Variants in CAMTA1 observed in about 807,000 individuals in gnomAD.
CAMTA1 encodes the protein calmodulin binding transcription activator 1.
Under a neutral mutation model 170.9 loss-of-function variants are expected in CAMTA1, and 27 were observed. That is an observed-to-expected ratio of 0.16 (90% CI 0.12 to 0.22). CAMTA1 has a LOEUF of 0.22. Ranked by LOEUF, CAMTA1 falls within the 10% of genes least tolerant of loss-of-function variation. The pLI is 1.00. For synonymous variants in CAMTA1, 833 were observed against 891.5 expected (o/e 0.93, Z 1.17); for missense variants, 1,619 against 2,217.2 (o/e 0.73, Z 5.42).
chr1:7,645,093 A>G (rs57740343), intron 7 of CAMTA1, among the ~76,000 whole-genome samples: 2,928 of 152,288 alleles, frequency 0.019, 77 homozygotes, highest in African/African-American at 0.067. Context: ...GTAAACCCCC[A>G]TAGTGTGAGT....
At chr1:7,235,071 G>A (rs1489265552) in intron 4 of CAMTA1, among the ~76,000 whole-genome samples, 3 of 152,058 alleles carry the variant, frequency 2.0e-5, no homozygotes, top group Non-Finnish European at 4.4e-5. Flanking sequence ...ACAGTCGTGA[G>A]CCACCATGCC....
chr1:7,007,746 C>A lies in CAMTA1; in HGVS notation c.235-83558C>A, dbSNP rs1054997946. The stretch of plus-strand genomic sequence containing the variant: ...TTCTGCCTCTTCCAGTGCTTTCCGA[C>A]CCTGTGCTTTTCTACCGACTTCTGG... On this transcript the variant is annotated intron_variant, in intron 3 of 22. Coordinates refer to ENST00000303635, the MANE Select transcript of CAMTA1 (RefSeq NM_015215.4). The surrounding 1 kb of genome is among the most constrained non-coding windows in gnomAD (Gnocchi z 4.5). Among the ~76,000 whole-genome samples the A allele has an allele frequency of 6.6e-6, 1 of 152,196 alleles. No individual in the cohort carries two copies. The highest frequency in any genetic ancestry group is 1.9e-4 in the East Asian group (1 of 5,200).
chr1:7,594,236 A>T (rs956026340), intron 6 of CAMTA1, among the ~76,000 whole-genome samples: 1 of 150,440 alleles, frequency 6.6e-6, no homozygotes, highest in African/African-American at 2.5e-5. Flanking sequence ...GAAGGAAGGA[A>T]GGAAGAAAGA....
rs550117469 is a variant in CAMTA1, at chr1:7,435,477, C to A, written c.439-32353C>A. On this transcript the variant is annotated intron_variant, in intron 5 of 22. Coordinates refer to ENST00000303635, the MANE Select transcript of CAMTA1 (RefSeq NM_015215.4). This position sits in a 1 kb window ranked among gnomAD's most constrained non-coding sequence, Gnocchi z 4.4. Reference sequence around the variant, plus strand: ...ATTCCTGTTTTGAAACAGAACCTTCCGGTTTGTTGAGGGTTGGGTCATCAT... The same window carrying A: ...ATTCCTGTTTTGAAACAGAACCTTCAGGTTTGTTGAGGGTTGGGTCATCAT... 6.6e-6 allele frequency among the ~76,000 whole-genome samples: 1 copy of A among 152,158 alleles called. No homozygotes were observed. The highest frequency in any genetic ancestry group is 1.9e-4 in the East Asian group (1 of 5,192).
chr1:6,823,920 G>C (rs1476937635), intron 2 of CAMTA1, among the ~76,000 whole-genome samples: 1 of 152,106 alleles, frequency 6.6e-6, no homozygotes, highest in African/African-American at 2.4e-5. Flanking sequence ...AGGGATTTGT[G>C]TCTGGAGAAG....
chr1:7,469,087 A>G (rs2149549655), intron 6 of CAMTA1, among the ~76,000 whole-genome samples: 1 of 152,280 alleles, frequency 6.6e-6, no homozygotes, highest in Middle Eastern at 3.4e-3. Context: ...TCCCAGAAAT[A>G]GCCGTCTGTT....
At chr1:6,902,549 G>A (rs182556932) in intron 3 of CAMTA1, among the ~76,000 whole-genome samples, 2 of 152,186 alleles carry the variant, frequency 1.3e-5, no homozygotes, top group Non-Finnish European at 2.9e-5. Flanking sequence ...GCTGTGGGTG[G>A]GTCGGTTACA....
At position 7,609,743 on chromosome 1, in the gene CAMTA1, C is replaced by T. The variant is rs990880363; in HGVS notation, c.511-30657C>T. 6.6e-6 allele frequency among the ~76,000 whole-genome samples: 1 copy of T among 152,226 alleles called. No homozygotes were observed. Among genetic ancestry groups the T allele is most frequent in the Non-Finnish European group, 1.5e-5 (1 of 68,034 alleles). ...TGACCTTGAGCAGGTCACTTTGCTT[C>T]TCTGAGCCTCTCTTTCCTGTCTGCA... On this transcript the variant is annotated intron_variant, in intron 6 of 22. Transcript: ENST00000303635. This position sits in a 1 kb window ranked among gnomAD's most constrained non-coding sequence, Gnocchi z 4.4.
intron 11 of CAMTA1, among the ~76,000 whole-genome samples, chr1:7,697,538 T>C (rs537118027): frequency 6.5e-4 from 99 of 152,346 alleles, no homozygotes; most frequent in African/African-American, 2.3e-3. Context: ...GAGATGTCTC[T>C]GCATTTCGCC....
rs2094500035 is a variant in CAMTA1 at position 7,532,166 on chromosome 1, G to A, written c.510+64265G>A. 6.6e-6 allele frequency among the ~76,000 whole-genome samples: 1 copy of A among 152,054 alleles called. No homozygotes were observed. The highest frequency in any genetic ancestry group is 6.5e-5 in the Admixed American group (1 of 15,270). The stretch of plus-strand genomic sequence containing the variant: ...CCCGAGCCCTAAGCTGCAGCCCTTG[G>A]GACGTCTCCATTGAGCCAGTCCTTC... On this transcript the variant is annotated intron_variant, in intron 6 of 22. Coordinates refer to ENST00000303635, the MANE Select transcript of CAMTA1 (RefSeq NM_015215.4). This position sits in a 1 kb window ranked among gnomAD's most constrained non-coding sequence, Gnocchi z 4.2.
At chr1:7,608,781 T>C (rs1019038753) in intron 6 of CAMTA1, among the ~76,000 whole-genome samples, 4 of 151,986 alleles carry the variant, frequency 2.6e-5, no homozygotes, top group Non-Finnish European at 5.9e-5. Context: ...GTCATCTGCT[T>C]GAAAGTGGCT....
chr1:7,644,307 G>GA (rs890304844), intron 7 of CAMTA1, among the ~76,000 whole-genome samples: 77 of 151,878 alleles, frequency 5.1e-4, no homozygotes, highest in African/African-American at 1.6e-3. Flanking sequence ...TCCTTCAGAT[G>GA]AAAAAAAACA....
intron 4 of CAMTA1, among the ~76,000 whole-genome samples, chr1:7,151,717 A>T (rs908965347): frequency 6.6e-6 from 1 of 152,170 alleles, no homozygotes; most frequent in Non-Finnish European, 1.5e-5. Flanking sequence ...AGGACGGAGG[A>T]CATGGCAGGC....
chr1:6,863,850 C>T (rs532982639), intron 3 of CAMTA1, among the ~76,000 whole-genome samples: 1 of 152,284 alleles, frequency 6.6e-6, no homozygotes, highest in South Asian at 2.1e-4. Flanking sequence ...TTCAGAATCC[C>T]ATTCAGGATG....
intron 3 of CAMTA1, among the ~76,000 whole-genome samples, chr1:7,070,142 C>T (rs1283906508): frequency 6.6e-6 from 1 of 152,226 alleles, no homozygotes; most frequent in Non-Finnish European, 1.5e-5. Flanking sequence ...CCGCCAGCCT[C>T]AGGGGCTGCA....
rs758896184 is a variant in CAMTA1 at position 7,251,718 on chromosome 1, T to C, written c.438+2092T>C. On this transcript the variant is annotated intron_variant, in intron 5 of 22. Transcript: ENST00000303635. The surrounding 1 kb of genome is among the most constrained non-coding windows in gnomAD (Gnocchi z 5.1). ...AGAGGCTTGAAGTACGTGAGGGTCA[T>C]CAATAGTGCTGAGACGCAGAGCAGC... 6.6e-6 allele frequency among the ~76,000 whole-genome samples: 1 copy of C among 152,140 alleles called. No homozygotes were observed. Among genetic ancestry groups the C allele is most frequent in the Non-Finnish European group, 1.5e-5 (1 of 68,024 alleles).
chr1:7,142,223 A>G (rs1645930515), intron 4 of CAMTA1: 11 of 497,078 alleles, frequency 2.2e-5, no homozygotes, highest in South Asian at 1.6e-4. Flanking sequence ...CCTGAACCTT[A>G]AAGAACCTTC....
chr1:7,337,494 A>C (rs536921244), intron 5 of CAMTA1, among the ~76,000 whole-genome samples: 101 of 86,578 alleles, frequency 1.2e-3, no homozygotes, highest in African/African-American at 4.7e-3. Context: ...GGCCTCATCC[A>C]ATCACAGTGT....
intron 4 of CAMTA1, among the ~76,000 whole-genome samples, chr1:7,119,540 T>C (rs1286570076): frequency 1.3e-5 from 2 of 152,158 alleles, no homozygotes; most frequent in Non-Finnish European, 2.9e-5. Flanking sequence ...GCCGAAAACA[T>C]ACAGAAGAAT....
Sources: allele counts gnomAD v4.1 joint callset (sites outside exome capture counted in the v4.1 genomes callset), GRCh38; gene constraint gnomAD v4.1.1; non-coding constraint Gnocchi (gnomAD v3.1); transcripts MANE v1.5; gene names NCBI Gene and HGNC (gene_info 2026-07-23, HGNC 2026-07-21).